The following FCN1 variants were observed in gnomAD, a reference collection of about 807,000 sequenced individuals.
The protein encoded by FCN1 is ficolin-1.
Under a neutral mutation model 35.6 loss-of-function variants are expected in FCN1, and 42 were observed. The observed-to-expected ratio is 1.18, with a 90% CI of 0.92 to 1.53. FCN1 has a LOEUF of 1.53. Among genes scored for constraint, FCN1 ranks in the 40% most tolerant of loss-of-function variants. The pLI is 0.00. For synonymous variants in FCN1, 179 were observed against 169.8 expected (o/e 1.05, Z -0.42); for missense variants, 439 against 428.4 (o/e 1.02, Z -0.22).
Position 134,909,105 on chromosome 9 carries a change from T to G in FCN1, c.*693A>C. ...ACTGAGGTCCGCGGTCCCCTCTAGC[T>G]GAGGTCTGTGTGTGGGAGGAAGGCC... is the stretch of plus-strand genomic sequence containing the variant. On this transcript the variant is annotated 3_prime_UTR_variant, in exon 9 of 9. Transcript: ENST00000371806. 3.4e-6 allele frequency: 3 copies of G among 871,510 alleles called. No homozygotes were observed. The highest frequency in any genetic ancestry group is 4.7e-6 in the Non-Finnish European group (3 of 637,872). The allele number at this position is 871,510 out of a possible 1,614,324, so 54.0% of individuals were successfully genotyped here.
rs1003367100 is a variant in FCN1, at chr9:134,903,234, G to A, written c.*6564C>T. Among the ~76,000 whole-genome samples, 1 of 152,186 alleles carries A rather than the reference G, an allele frequency of 6.6e-6. No individual in the cohort carries two copies. Among genetic ancestry groups the A allele is most frequent in the Non-Finnish European group, 1.5e-5 (1 of 68,026 alleles). On this transcript the variant is annotated 3_prime_UTR_variant, in exon 9 of 9. Coordinates refer to ENST00000371806, the MANE Select transcript of FCN1 (RefSeq NM_002003.5). ...GAAAATCAGTAAGGCTACGAAAGTGGTGAACCAGGCTATTAATCAGTTTAT... is the reference window on the plus strand; with the variant it reads ...GAAAATCAGTAAGGCTACGAAAGTGATGAACCAGGCTATTAATCAGTTTAT...
chr9:134,904,673 G>A lies in FCN1; in HGVS notation c.*5125C>T, dbSNP rs555928436. ...TGCACACCTGTAGTCCCAGCTACACGGGAAGCTGAGGCAGGAGAATTGTTT... is the reference window on the plus strand; with the variant it reads ...TGCACACCTGTAGTCCCAGCTACACAGGAAGCTGAGGCAGGAGAATTGTTT... On this transcript the variant is annotated 3_prime_UTR_variant, in exon 9 of 9. Transcript: ENST00000371806. Among the ~76,000 whole-genome samples the A allele has an allele frequency of 5.3e-5, 8 of 152,178 alleles. No homozygotes were observed. Among genetic ancestry groups the A allele is most frequent in the South Asian group, 2.1e-4 (1 of 4,824 alleles).
intron 3 of FCN1, 69 bp from the exon 4 acceptor site, chr9:134,914,489 G>T: frequency 6.9e-7 from 1 of 1,451,310 alleles, no homozygotes; most frequent in Non-Finnish European, 9.7e-7. Flanking sequence ...CTGGTCCAGA[G>T]TGGGCTCCCG....
rs2118932337 is a variant in FCN1 at position 134,909,378 on chromosome 9, G to T, written c.*420C>A. ...ATGGGGGAGGCTTGGGGGTGGAGGT[G>T]AGGATCGCCCTGTGTCAATTACTGG... On this transcript the variant is annotated 3_prime_UTR_variant, in exon 9 of 9. Coordinates refer to ENST00000371806, the MANE Select transcript of FCN1 (RefSeq NM_002003.5). The T allele has an allele frequency of 7.8e-7, 1 of 1,289,934 alleles. No individual in the cohort carries two copies. Among genetic ancestry groups the T allele is most frequent in the East Asian group, 5.5e-5 (1 of 18,024 alleles). 79.9% of individuals were successfully genotyped at this position (1,289,934 alleles called of 1,614,324 possible).
rs1184366167 is a variant in FCN1 at position 134,917,808 on chromosome 9, T to C, written c.64A>G (p.Ile22Val). 6.2e-7 allele frequency: 1 copy of C among 1,613,976 alleles called. No homozygotes were observed. Residue 22 changes from isoleucine (I) to valine (V), a missense_variant, in exon 1 of 9, where the codon ATC becomes GTC. Coordinates refer to ENST00000371806, the MANE Select transcript of FCN1 (RefSeq NM_002003.5). ...LAVLLVLFLH[I>V]KNLPAQAADT... ...GCAGCCTGGGCAGGCAGGTTCTTGATATGCAGGAACAAGACTAGCAGGACA... is the reference window on the plus strand; with the variant it reads ...GCAGCCTGGGCAGGCAGGTTCTTGACATGCAGGAACAAGACTAGCAGGACA...
In FCN1 at chr9:134,913,284, A is replaced by G. The variant is rs970291084; in HGVS notation, c.341-141T>C. 4.9e-5 allele frequency: 59 copies of G among 1,206,520 alleles called. No individual in the cohort carries two copies. The South Asian group carries it at 6.1e-4, about 13-fold the overall frequency. 74.7% of individuals were successfully genotyped at this position (1,206,520 alleles called of 1,614,324 possible). ...AGGACTCCGAGGCCTGGACAGGGACACGGCCCCCAGGGCCACGCAGCTGTG... is the reference window on the plus strand; with the variant it reads ...AGGACTCCGAGGCCTGGACAGGGACGCGGCCCCCAGGGCCACGCAGCTGTG... On this transcript the variant is annotated intron_variant, in intron 5 of 8. Coordinates refer to ENST00000371806, the MANE Select transcript of FCN1 (RefSeq NM_002003.5).
intron 2 of FCN1, among the ~76,000 whole-genome samples, 159 bp downstream of exon 2, chr9:134,916,189 C>T (rs1259651289): frequency 2.0e-5 from 3 of 152,230 alleles, no homozygotes; most frequent in African/African-American, 7.2e-5. Flanking sequence ...CTGTTGGGCC[C>T]TGGGAGTCAG....
At position 134,913,103 on chromosome 9, in the gene FCN1, G is replaced by C. The variant is rs267602165; in HGVS notation, c.381C>G (p.Phe127Leu). The C allele has an allele frequency of 6.2e-7, 1 of 1,613,998 alleles. No individual in the cohort carries two copies. The highest frequency in any genetic ancestry group is 1.1e-5 in the South Asian group (1 of 91,042). Residue 127 changes from phenylalanine to leucine, a missense_variant, in exon 6 of 9, where the codon TTC becomes TTG. By Grantham distance (22) the Phe-to-Leu change is conservative. Coordinates refer to ENST00000371806, the MANE Select transcript of FCN1 (RefSeq NM_002003.5). ...NCKDLLDRGY[F>L]LSGWHTIYLP... ...GGTAGATGGTGTGCCAGCCGCTCAG[G>C]AAATACCCCCGGTCTAGCAGGTCCT...
At chr9:134,912,659 G>A in intron 6 of FCN1, 44 bp from the exon 7 acceptor site, 1 of 1,613,512 alleles carries the variant, frequency 6.2e-7, no homozygotes, top group East Asian at 2.2e-5. Context: ...GCAGGCCGAG[G>A]TCCCACAGCA....
intron 1 of FCN1, 74 bp from the exon 2 acceptor site, chr9:134,916,535 G>A: frequency 2.1e-6 from 3 of 1,424,692 alleles, no homozygotes; most frequent in Non-Finnish European, 3.0e-6. Flanking sequence ...CTGCTCTGCT[G>A]GGGCCTTGGT....
chr9:134,907,491 A>G lies in FCN1; in HGVS notation c.*2307T>C, dbSNP rs1830969309. ...AATTATTTTCATCACTAGTTAACAA[A>G]CATCCTTACAATCACCACCTGGGTC... On this transcript the variant is annotated 3_prime_UTR_variant, in exon 9 of 9. Coordinates refer to ENST00000371806, the MANE Select transcript of FCN1 (RefSeq NM_002003.5). 1 of 152,244 alleles carries G rather than the reference A, an allele frequency of 6.6e-6. No homozygotes were observed. The highest frequency in any genetic ancestry group is 1.5e-5 in the Non-Finnish European group (1 of 68,046). The allele number at this position is 152,244 out of a possible 1,614,324, so 9.4% of individuals were successfully genotyped here.
chr9:134,910,317 C>T (rs1831007242), intron 8 of FCN1, among the ~76,000 whole-genome samples: 1 of 152,132 alleles, frequency 6.6e-6, no homozygotes, highest in Non-Finnish European at 1.5e-5. Flanking sequence ...TGTCAGGCCT[C>T]CTGCTCTCTC....
intron 2 of FCN1, among the ~76,000 whole-genome samples, chr9:134,915,404 G>T (rs1003527295): frequency 1.3e-5 from 2 of 152,176 alleles, no homozygotes; most frequent in Non-Finnish European, 2.9e-5. Flanking sequence ...ATGGGGGCTG[G>T]TTCTTGCTTT....
Position 134,913,142 on chromosome 9 carries a change from G to C in FCN1, c.342C>G (p.Gly114=), listed in dbSNP as rs368769355. The change falls in exon 6 of 9, where the codon GGC becomes GGG. Residue 114 remains glycine (G), a splice_region_variant and synonymous_variant. Transcript: ENST00000371806. ...DAGQSQSCAT[G]PRNCKDLLDR... ...CTAGCAGGTCCTTGCAGTTGCGTGG[G>C]CCTGGGAAGGGAACCCGGGGAATGG... 2.0e-5 allele frequency: 32 copies of C among 1,613,722 alleles called. No homozygotes were observed. The highest frequency in any genetic ancestry group is 2.5e-5 in the Non-Finnish European group (30 of 1,179,872).
In FCN1 at chr9:134,905,204, A is replaced by ATG. The variant is rs1830927938; in HGVS notation, c.*4593_*4594insCA. Among the ~76,000 whole-genome samples, 1 of 152,250 alleles carries ATG rather than the reference A, an allele frequency of 6.6e-6. No individual in the cohort carries two copies. The highest frequency in any genetic ancestry group is 1.5e-5 in the Non-Finnish European group (1 of 68,044). On this transcript the variant is annotated 3_prime_UTR_variant, in exon 9 of 9. Transcript: ENST00000371806. ...TGACGGGATAATAAAAATATTCAACAAAGACGAGAGAAGATGAGGAAGGAG... is the reference window on the plus strand; with the variant it reads ...TGACGGGATAATAAAAATATTCAACATGAAGACGAGAGAAGATGAGGAAGGAG...
rs1830913524 is a variant in FCN1, at chr9:134,903,999, C to G, written c.*5799G>C. Reference sequence around the variant, plus strand: ...GTGAAAAGGAAAAAAGAATACAAATCCAGAAACTAGAACAAGAGACATATG... The same window carrying G: ...GTGAAAAGGAAAAAAGAATACAAATGCAGAAACTAGAACAAGAGACATATG... On this transcript the variant is annotated 3_prime_UTR_variant, in exon 9 of 9. Transcript: ENST00000371806. Among the ~76,000 whole-genome samples the G allele has an allele frequency of 6.6e-6, 1 of 152,114 alleles. No homozygotes were observed. Among genetic ancestry groups the G allele is most frequent in the African/African-American group, 2.4e-5 (1 of 41,426 alleles).
chr9:134,912,725 C>T (rs1187957611), intron 6 of FCN1, 110 bp from the exon 7 acceptor site: 11 of 1,422,028 alleles, frequency 7.7e-6, no homozygotes, highest in Admixed American at 5.5e-5. Flanking sequence ...CATCACAGGC[C>T]GGTGCCACAC....
In FCN1 at chr9:134,906,017, A is replaced by C. The variant is rs1830954233; in HGVS notation, c.*3781T>G. On this transcript the variant is annotated 3_prime_UTR_variant, in exon 9 of 9. Transcript: ENST00000371806. ...TATTTTTATTTTTTTTTTGAGGCGG[A>C]ATCTCGCTCTGTTCCCCAGGCTGGA... is the stretch of plus-strand genomic sequence containing the variant. 1 of 140,882 alleles carries C rather than the reference A, an allele frequency of 7.1e-6. No individual in the cohort carries two copies. Among genetic ancestry groups the C allele is most frequent in the Admixed American group, 7.7e-5 (1 of 12,960 alleles). 8.7% of individuals were successfully genotyped at this position (140,882 alleles called of 1,614,324 possible). A position where few individuals can be genotyped will look rare whatever the true frequency, so the allele number is the denominator to read the frequency against.
At chr9:134,910,740 T>C (rs1453518813) in intron 8 of FCN1, among the ~76,000 whole-genome samples, 2 of 152,174 alleles carry the variant, frequency 1.3e-5, no homozygotes. Flanking sequence ...GCAGACGCCC[T>C]GTAGGAAATG....
Sources: allele counts gnomAD v4.1 joint callset (sites outside exome capture counted in the v4.1 genomes callset), GRCh38; gene constraint gnomAD v4.1.1; transcripts MANE v1.5; gene names NCBI Gene and HGNC (gene_info 2026-07-23, HGNC 2026-07-21).